Variants in PRKAR2A observed in about 807,000 individuals in gnomAD.
PRKAR2A encodes the protein cAMP-dependent protein kinase type II-alpha regulatory subunit.
A neutral mutation model predicts 51.9 loss-of-function variants in PRKAR2A; 29 were observed. That is an observed-to-expected ratio of 0.56 (90% CI 0.42 to 0.76). PRKAR2A has a LOEUF of 0.76. PRKAR2A is among the 30% of genes least tolerant of loss of function. The pLI is 0.00. For missense variants in PRKAR2A, 445 were observed against 512.1 expected (o/e 0.87, Z 1.26); for synonymous variants, 178 against 186.2 (o/e 0.96, Z 0.36).
At chr3:48,806,626 G>A (rs9876848) in intron 2 of PRKAR2A, among the ~76,000 whole-genome samples, 102,541 of 151,786 alleles carry the variant, frequency 0.68, 35,168 homozygotes, top group East Asian at 0.96. Flanking sequence ...ATTTTGCATT[G>A]AAAATTTCAA....
chr3:48,835,322 C>T (rs954267567), intron 1 of PRKAR2A, among the ~76,000 whole-genome samples: 14 of 151,470 alleles, frequency 9.2e-5, no homozygotes, highest in Non-Finnish European at 1.8e-4. Context: ...GCCAACATGG[C>T]GAAACCCTAT....
intron 8 of PRKAR2A, among the ~76,000 whole-genome samples, chr3:48,756,846 C>A (rs1423235279): frequency 6.6e-6 from 1 of 152,210 alleles, no homozygotes; most frequent in Non-Finnish European, 1.5e-5. Flanking sequence ...CTGAGGCTTT[C>A]ACAAACTTCA....
chr3:48,836,419 T>TAAAAA (rs548970318), intron 1 of PRKAR2A, among the ~76,000 whole-genome samples: 681 of 56,014 alleles, frequency 0.012, 3 homozygotes, highest in Non-Finnish European at 0.019. Context: ...AGACTCCGTC[T>TAAAAA]AAAAAAAAAA....
chr3:48,781,492 C>T (rs1456748374), intron 5 of PRKAR2A, among the ~76,000 whole-genome samples: 2 of 151,758 alleles, frequency 1.3e-5, no homozygotes, highest in Non-Finnish European at 2.9e-5. Context: ...CAGGTGCACA[C>T]CACCACGCCC....
downstream of PRKAR2A, chr3:48,744,858 A>G (rs1393907263): frequency 6.6e-6 from 1 of 152,064 alleles, no homozygotes; most frequent in Non-Finnish European, 1.5e-5. Context: ...TTATGTAAAT[A>G]ATATTGAGTG....
intron 5 of PRKAR2A, among the ~76,000 whole-genome samples, chr3:48,777,536 G>A (rs1296128972): frequency 3.9e-5 from 6 of 152,070 alleles, no homozygotes; most frequent in East Asian, 1.9e-4. Flanking sequence ...TTCCCGAGCA[G>A]CTGGGACTAC....
intron 3 of PRKAR2A, among the ~76,000 whole-genome samples, chr3:48,790,946 A>G (rs951016934): frequency 3.4e-5 from 5 of 148,046 alleles, no homozygotes; most frequent in Non-Finnish European, 7.5e-5. Context: ...GCATCGACTC[A>G]AAAAAAAAAG....
At chr3:48,763,751 C>G (rs2081897800) in intron 8 of PRKAR2A, among the ~76,000 whole-genome samples, 2 of 152,146 alleles carry the variant, frequency 1.3e-5, no homozygotes, top group African/African-American at 4.8e-5. Flanking sequence ...ATATGTATTA[C>G]TTCCATTTCT....
In PRKAR2A at chr3:48,792,243, G is replaced by A. The variant is rs577790195; in HGVS notation, c.352-1616C>T. ...TGCAACCTCCACCTCCCAGGTTCAA[G>A]TGATTCTCCTGCCTCAGCCTCCTGA... is the stretch of plus-strand genomic sequence containing the variant. On this transcript the variant is annotated intron_variant, in intron 3 of 10. Coordinates refer to ENST00000265563, the MANE Select transcript of PRKAR2A (RefSeq NM_004157.4). Among the ~76,000 whole-genome samples, 106 of 151,710 alleles carry A rather than the reference G, an allele frequency of 7.0e-4. 1 individual carries two copies. The Middle Eastern group carries it at 0.014, about 19-fold the overall frequency.
At chr3:48,814,833 ATATT>A (rs1186954850) in intron 1 of PRKAR2A, among the ~76,000 whole-genome samples, 1 of 152,170 alleles carries the variant, frequency 6.6e-6, no homozygotes, top group African/African-American at 2.4e-5. Context: ...TGCTTTATAA[ATATT>A]TAGTTATTAA....
chr3:48,779,994 T>C (rs921798662), intron 5 of PRKAR2A, among the ~76,000 whole-genome samples: 1 of 150,830 alleles, frequency 6.6e-6, no homozygotes, highest in African/African-American at 2.4e-5. Context: ...ACCCCATCTC[T>C]ACTAAAAATA....
intron 1 of PRKAR2A, among the ~76,000 whole-genome samples, chr3:48,825,571 G>T (rs1046771563): frequency 6.6e-6 from 1 of 152,070 alleles, no homozygotes; most frequent in Non-Finnish European, 1.5e-5. Flanking sequence ...TTGAACCTGG[G>T]AGGCAAAGGT....
At position 48,752,865 on chromosome 3, in the gene PRKAR2A, C is replaced by A. The variant is rs568041803; in HGVS notation, c.940-548G>T. 1.5e-3 allele frequency among the ~76,000 whole-genome samples: 209 copies of A among 134,978 alleles called. 8 individuals carry two copies. In the South Asian group the frequency reaches 0.055, roughly 35 times the overall value. 88.6% of individuals were successfully genotyped at this position (134,978 alleles called of 152,430 possible). On this transcript the variant is annotated intron_variant, in intron 9 of 10. Coordinates refer to ENST00000265563, the MANE Select transcript of PRKAR2A (RefSeq NM_004157.4). ...GGAGTGATTCACTGCTCCTGGCCAA[C>A]AAATTTCTTTTTAAGTACTATTTGT...
At chr3:48,784,961 C>T (rs2082264415) in intron 4 of PRKAR2A, among the ~76,000 whole-genome samples, 1 of 151,962 alleles carries the variant, frequency 6.6e-6, no homozygotes, top group Non-Finnish European at 1.5e-5. Context: ...AAAAACAAAA[C>T]AAAAAGCTAT....
chr3:48,825,262 G>A (rs900447047), intron 1 of PRKAR2A, among the ~76,000 whole-genome samples: 5 of 151,816 alleles, frequency 3.3e-5, no homozygotes, highest in East Asian at 2.0e-4. Context: ...GAGTCTGCCC[G>A]CCTTGGCCTC....
chr3:48,756,504 T>G, intron 8 of PRKAR2A, 60 bp from the exon 9 acceptor site: 1 of 1,281,498 alleles, frequency 7.8e-7, no homozygotes, highest in Non-Finnish European at 1.1e-6. Context: ...AATAAAGAAA[T>G]AGATTGCTTT....
intron 4 of PRKAR2A, among the ~76,000 whole-genome samples, chr3:48,783,456 T>A (rs2082235342): frequency 6.6e-6 from 1 of 152,244 alleles, no homozygotes; most frequent in African/African-American, 2.4e-5. Flanking sequence ...TTCCTACAGC[T>A]GTTGACCTTA....
chr3:48,800,694 G>A lies in PRKAR2A; in HGVS notation c.299-6645C>T, dbSNP rs573093458. 2.9e-4 allele frequency among the ~76,000 whole-genome samples: 44 copies of A among 151,584 alleles called. 1 individual carries two copies. In the South Asian group the frequency reaches 6.6e-3, roughly 23 times the overall value. ...TTTTCTTTTCTTTTTTTTTTGAGACGGAGTCTTGCTCTGTCGCGCAGGCTG... is the reference window on the plus strand; with the variant it reads ...TTTTCTTTTCTTTTTTTTTTGAGACAGAGTCTTGCTCTGTCGCGCAGGCTG... On this transcript the variant is annotated intron_variant, in intron 2 of 10. Transcript: ENST00000265563.
intron 1 of PRKAR2A, among the ~76,000 whole-genome samples, chr3:48,820,859 G>A (rs2107402071): frequency 6.6e-6 from 1 of 152,220 alleles, no homozygotes; most frequent in Middle Eastern, 3.4e-3. Flanking sequence ...CATGACCATT[G>A]TGCTCTCCAG....
Sources: allele counts gnomAD v4.1 joint callset (sites outside exome capture counted in the v4.1 genomes callset), GRCh38; gene constraint gnomAD v4.1.1; transcripts MANE v1.5; gene names NCBI Gene and HGNC (gene_info 2026-07-23, HGNC 2026-07-21).